Variants in SLMAP observed in about 807,000 individuals in gnomAD.
The protein encoded by SLMAP is sarcolemmal membrane-associated protein.
In SLMAP, 44 loss-of-function variants were observed where a neutral mutation model predicts 128.8. The ratio of observed to expected loss-of-function variants is 0.34; its 90% confidence interval spans 0.27 to 0.44. SLMAP has a LOEUF of 0.44. SLMAP is among the 20% of genes least tolerant of loss of function. The pLI is 1.00. For missense variants in SLMAP, 787 were observed against 985.3 expected (o/e 0.80, Z 2.69); for synonymous variants, 327 against 348.8 (o/e 0.94, Z 0.70).
intron 13 of SLMAP, among the ~76,000 whole-genome samples, chr3:57,867,995 T>C (rs2095353386): frequency 6.6e-6 from 1 of 152,092 alleles, no homozygotes; most frequent in Non-Finnish European, 1.5e-5. Context: ...GTGTGGTGGC[T>C]CACACCTATA....
chr3:57,837,077 C>A (rs747674208), intron 3 of SLMAP, among the ~76,000 whole-genome samples: 1 of 152,226 alleles, frequency 6.6e-6, no homozygotes, highest in Non-Finnish European at 1.5e-5. Context: ...TTCAACTGCA[C>A]TGAATTACTT....
intron 2 of SLMAP, among the ~76,000 whole-genome samples, chr3:57,772,989 T>C (rs1345053584): frequency 1.3e-5 from 2 of 152,188 alleles, no homozygotes; most frequent in Admixed American, 1.3e-4. Flanking sequence ...AGTGCTAAGC[T>C]TGTATGTTTG....
intron 14 of SLMAP, among the ~76,000 whole-genome samples, chr3:57,872,797 G>A (rs2095512845): frequency 6.6e-6 from 1 of 152,318 alleles, no homozygotes; most frequent in East Asian, 1.9e-4. Flanking sequence ...AAAGGTCATT[G>A]TATGTGGTAA....
intron 14 of SLMAP, among the ~76,000 whole-genome samples, chr3:57,881,174 A>G (rs1294257821): frequency 6.6e-6 from 1 of 152,052 alleles, no homozygotes. Flanking sequence ...AGCCTGGATG[A>G]CAGAGCGAGA....
chr3:57,788,574 G>A (rs992575342), intron 2 of SLMAP, among the ~76,000 whole-genome samples: 4 of 152,180 alleles, frequency 2.6e-5, no homozygotes, highest in African/African-American at 9.7e-5. Flanking sequence ...GAACCCTGGG[G>A]ATGACCAGCA....
intron 14 of SLMAP, among the ~76,000 whole-genome samples, chr3:57,885,457 T>C (rs949897772): frequency 6.8e-6 from 1 of 147,518 alleles, no homozygotes; most frequent in African/African-American, 2.5e-5. Flanking sequence ...TCTTGTTCTG[T>C]CGCCCAGGCT....
chr3:57,836,031 A>T (rs2093624366), intron 3 of SLMAP, among the ~76,000 whole-genome samples: 1 of 152,188 alleles, frequency 6.6e-6, no homozygotes, highest in Non-Finnish European at 1.5e-5. Context: ...CCCATTTTAC[A>T]GGTATTAAAA....
chr3:57,838,034 G>T (rs1043677205), intron 3 of SLMAP, among the ~76,000 whole-genome samples: 1 of 152,132 alleles, frequency 6.6e-6, no homozygotes, highest in East Asian at 1.9e-4. Context: ...ATAGATTTGC[G>T]CATCAGCTCA....
intron 18 of SLMAP, 55 bp from the exon 19 acceptor site, chr3:57,909,019 CTG>C (rs1005219371): frequency 3.2e-6 from 4 of 1,237,896 alleles, no homozygotes; most frequent in Non-Finnish European, 4.6e-6. Flanking sequence ...CTGCTCAACT[CTG>C]AGTACTTTCA....
chr3:57,794,148 G>C (rs1297757491), intron 2 of SLMAP, among the ~76,000 whole-genome samples: 1 of 152,042 alleles, frequency 6.6e-6, no homozygotes, highest in East Asian at 1.9e-4. Context: ...TTTGGTGGCT[G>C]TTCTTTTTAT....
intron 2 of SLMAP, among the ~76,000 whole-genome samples, chr3:57,778,633 G>A (rs552465561): frequency 7.0e-6 from 1 of 143,022 alleles, no homozygotes. Context: ...GGAGTGTGGT[G>A]GTGCAATCAT....
At chr3:57,810,109 AGGTGCCACCATGTTCCCT>A (rs1469812544) in intron 2 of SLMAP, among the ~76,000 whole-genome samples, 2 of 152,106 alleles carry the variant, frequency 1.3e-5, no homozygotes, top group African/African-American at 4.8e-5. Context: ...CCAAGCTTCC[AGGTGCCACCATGTTCCCT>A]GGTGGCAACC....
intron 14 of SLMAP, among the ~76,000 whole-genome samples, chr3:57,876,106 T>A (rs1188236623): frequency 1.3e-5 from 2 of 152,222 alleles, no homozygotes; most frequent in Non-Finnish European, 2.9e-5. Flanking sequence ...TACCTAGCCT[T>A]CATTATTTAT....
chr3:57,889,960 C>A (rs1296277171), intron 14 of SLMAP, 81 bp from the exon 15 acceptor site: 7 of 938,192 alleles, frequency 7.5e-6, no homozygotes, highest in African/African-American at 1.6e-5. Context: ...TAAATTTGGT[C>A]ATGGAATGTG....
intron 2 of SLMAP, among the ~76,000 whole-genome samples, chr3:57,791,126 C>G (rs943243195): frequency 4.6e-5 from 7 of 152,026 alleles, no homozygotes. Flanking sequence ...GAGACTGAGG[C>G]GGGCAGATCA....
intron 9 of SLMAP, 84 bp downstream of exon 9, chr3:57,860,923 GTAT>G: frequency 8.8e-7 from 1 of 1,131,056 alleles, no homozygotes; most frequent in Non-Finnish European, 1.2e-6. Context: ...TTAAACTTGG[GTAT>G]TATTATATAG....
chr3:57,880,957 C>T (rs191100628), intron 14 of SLMAP, among the ~76,000 whole-genome samples: 40 of 152,008 alleles, frequency 2.6e-4, no homozygotes, highest in Non-Finnish European at 5.0e-4. Context: ...TTTCGGAGGC[C>T]GAGGTGGGCA....
chr3:57,903,289 A>G (rs933796231), intron 17 of SLMAP, among the ~76,000 whole-genome samples: 3 of 152,220 alleles, frequency 2.0e-5, no homozygotes, highest in African/African-American at 7.2e-5. Context: ...ATCTTCCTGC[A>G]TTGTGAAGGT....
At chr3:57,762,385 T>A (rs1470738723) in intron 2 of SLMAP, among the ~76,000 whole-genome samples, 3 of 150,734 alleles carry the variant, frequency 2.0e-5, no homozygotes, top group Non-Finnish European at 4.4e-5. Context: ...AAAAAAAAAG[T>A]TGGAAGAAAT....
Sources: gnomAD v4.1 joint callset for allele counts (sites outside exome capture counted in the v4.1 genomes callset) on GRCh38, gnomAD v4.1.1 for gene constraint, MANE v1.5 for transcripts, NCBI Gene and HGNC (gene_info 2026-07-23, HGNC 2026-07-21) for gene names.